Variants in DCC observed in about 807,000 individuals in gnomAD.
DCC encodes DCC netrin 1 receptor, also known as netrin receptor DCC.
In DCC, 58 loss-of-function variants were observed where a neutral mutation model predicts 172.5. The ratio of observed to expected loss-of-function variants is 0.34; its 90% confidence interval spans 0.27 to 0.42. The LOEUF (loss-of-function observed/expected upper bound fraction) is 0.42. DCC is among the 10% of genes least tolerant of loss of function. DCC has a pLI of 1.00. For missense variants in DCC, 1,740 were observed against 1,791.0 expected, an observed-to-expected ratio of 0.97 and a Z score of 0.51; for synonymous variants, 709 against 644.5, an observed-to-expected ratio of 1.10 and a Z score of -1.52.
chr18:52,954,037 A>C, intron 5 of DCC, among the ~76,000 whole-genome samples: 1 of 152,240 alleles, frequency 6.6e-6, no homozygotes, highest in Non-Finnish European at 1.5e-5. Context: ...ATTGTGGGAC[A>C]CAGGGATCTT....
intron 9 of DCC, among the ~76,000 whole-genome samples, chr18:53,180,120 T>G (rs2000695): frequency 0.36 from 54,230 of 152,018 alleles, 11,076 homozygotes; most frequent in South Asian, 0.6. Flanking sequence ...AACCTTTGTA[T>G]TCTATCACTT....
intron 1 of DCC, among the ~76,000 whole-genome samples, chr18:52,644,578 C>A (rs1457551156): frequency 3.9e-4 from 44 of 112,932 alleles, no homozygotes; most frequent in East Asian, 7.7e-4. Flanking sequence ...GACTCCGTCT[C>A]AAAAAAAAAA....
chr18:53,437,945 G>T (rs1474109606), intron 22 of DCC, among the ~76,000 whole-genome samples: 1 of 152,182 alleles, frequency 6.6e-6, no homozygotes, highest in Admixed American at 6.5e-5. Flanking sequence ...TACACCCCAG[G>T]AAGATGAAAG....
chr18:52,598,101 A>G (rs2033943745), intron 1 of DCC, among the ~76,000 whole-genome samples: 1 of 152,180 alleles, frequency 6.6e-6, no homozygotes, highest in South Asian at 2.1e-4. Flanking sequence ...GCTTATTTTC[A>G]TGACCTTGTG....
chr18:52,727,590 A>G (rs1337510753), intron 1 of DCC, among the ~76,000 whole-genome samples: 2 of 152,202 alleles, frequency 1.3e-5, no homozygotes, highest in African/African-American at 4.8e-5. Context: ...TGAGCTTGTG[A>G]GTTTATAACC....
chr18:53,375,419 A>C (rs2058100044), intron 15 of DCC, among the ~76,000 whole-genome samples: 1 of 152,140 alleles, frequency 6.6e-6, no homozygotes. Context: ...ACATCTATAA[A>C]AAGATATGCT....
At chr18:52,851,081 T>G (rs2038968830) in intron 2 of DCC, among the ~76,000 whole-genome samples, 2 of 152,118 alleles carry the variant, frequency 1.3e-5, no homozygotes, top group Non-Finnish European at 2.9e-5. Context: ...AATAACACAT[T>G]CATAGTCTAC....
chr18:52,678,886 A>G (rs534382551), intron 1 of DCC, among the ~76,000 whole-genome samples: 2 of 151,896 alleles, frequency 1.3e-5, no homozygotes, highest in East Asian at 3.9e-4. Context: ...CGGTGACTCT[A>G]TTGTTAAATT....
chr18:53,415,210 G>C (rs1392557834), intron 20 of DCC, among the ~76,000 whole-genome samples: 1 of 152,164 alleles, frequency 6.6e-6, no homozygotes, highest in Non-Finnish European at 1.5e-5. Context: ...ATTATCAGTT[G>C]CTGCCTATTA....
At chr18:52,994,128 C>G (rs1289713523) in intron 5 of DCC, among the ~76,000 whole-genome samples, 3 of 152,056 alleles carry the variant, frequency 2.0e-5, no homozygotes, top group Non-Finnish European at 4.4e-5. Flanking sequence ...TTACAAAATG[C>G]TAAAATTAAC....
At chr18:52,919,029 G>A (rs2040080071) in intron 3 of DCC, among the ~76,000 whole-genome samples, 2 of 152,136 alleles carry the variant, frequency 1.3e-5, no homozygotes, top group African/African-American at 4.8e-5. Context: ...TGTGCATTTG[G>A]CTGAGAGAGA....
chr18:53,445,185 C>A (rs967432788), intron 22 of DCC, among the ~76,000 whole-genome samples: 2 of 152,104 alleles, frequency 1.3e-5, no homozygotes, highest in Non-Finnish European at 2.9e-5. Flanking sequence ...TTGATTACAG[C>A]ATCTTATTTC....
intron 5 of DCC, among the ~76,000 whole-genome samples, chr18:52,952,314 T>C (rs2040661867): frequency 6.6e-6 from 1 of 152,216 alleles, no homozygotes; most frequent in South Asian, 2.1e-4. Flanking sequence ...TAAAATGAAA[T>C]GTAAACATCC....
intron 1 of DCC, among the ~76,000 whole-genome samples, chr18:52,649,911 ATTCT>A (rs950804941): frequency 2.0e-5 from 3 of 151,046 alleles, no homozygotes; most frequent in Non-Finnish European, 2.9e-5. Context: ...TCTTTATATA[ATTCT>A]TTCTTTTCCT....
chr18:53,499,154 C>T lies in DCC; in HGVS notation c.3899-144C>T, dbSNP rs918428681. The T allele has an allele frequency of 2.7e-5, 21 of 784,692 alleles. No individual in the cohort carries two copies. The Middle Eastern group carries it at 2.1e-3, about 78-fold the overall frequency. 48.6% of individuals were successfully genotyped at this position (784,692 alleles called of 1,614,324 possible). ...TGTTCCGTAAGTATATGAAGGTAGA[C>T]GAATGACAATGTTCATAACTTGGAG... On this transcript the variant is annotated intron_variant, in intron 26 of 28. Coordinates refer to ENST00000442544, the MANE Select transcript of DCC (RefSeq NM_005215.4).
chr18:52,706,472 T>G (rs150904955), intron 1 of DCC, among the ~76,000 whole-genome samples: 1 of 152,350 alleles, frequency 6.6e-6, no homozygotes, highest in East Asian at 1.9e-4. Context: ...TAGCTATTTG[T>G]GAACATTGTT....
chr18:52,987,236 C>G (rs1395279418), intron 5 of DCC, among the ~76,000 whole-genome samples: 1 of 152,154 alleles, frequency 6.6e-6, no homozygotes, highest in Non-Finnish European at 1.5e-5. Flanking sequence ...TTTCACCAGA[C>G]AAGGAGCTCT....
intron 2 of DCC, among the ~76,000 whole-genome samples, chr18:52,863,359 A>G (rs1312163731): frequency 6.6e-6 from 1 of 151,870 alleles, no homozygotes; most frequent in Non-Finnish European, 1.5e-5. Flanking sequence ...AAGTAATTTT[A>G]ACTGTCAGTC....
chr18:53,119,825 C>T lies in DCC; in HGVS notation c.1262-37531C>T, dbSNP rs1417304010. 9.2e-5 allele frequency among the ~76,000 whole-genome samples: 14 copies of T among 151,818 alleles called. No homozygotes were observed. The Admixed American group carries it at 9.2e-4, about 10-fold the overall frequency. ...CTTAGGTAGTATTTTCACCTCTTTA[C>T]ACATTGTGGATCATTTTCTTACTGA... On this transcript the variant is annotated intron_variant, in intron 7 of 28. Transcript: ENST00000442544.
Sources: allele counts gnomAD v4.1 joint callset (sites outside exome capture counted in the v4.1 genomes callset), GRCh38; gene constraint gnomAD v4.1.1; transcripts MANE v1.5; gene names NCBI Gene and HGNC (gene_info 2026-07-23, HGNC 2026-07-21).